GOSR2: variants seen among roughly 807,000 people sequenced by gnomAD.
GOSR2 encodes the protein golgi SNAP receptor complex member 2, also known as 27 kDa Golgi SNARE protein.
In GOSR2, 20 loss-of-function variants were observed where a neutral mutation model predicts 27.9. The ratio of observed to expected loss-of-function variants is 0.72; its 90% CI spans 0.50 to 1.04. The LOEUF (loss-of-function observed/expected upper bound fraction) is 1.04, where lower values mean the gene tolerates loss of function less well. Among genes scored for constraint, GOSR2 ranks in the 50% least tolerant of loss-of-function variants. The pLI is 0.00. For missense variants in GOSR2, 261 were observed against 270.5 expected, an observed-to-expected ratio of 0.97 and a Z score of 0.25; for synonymous variants, 91 against 98.8, an observed-to-expected ratio of 0.92 and a Z score of 0.47.
intron 6 of GOSR2, among the ~76,000 whole-genome samples, chr17:46,949,653 C>T (rs756454081): frequency 2.6e-5 from 4 of 152,192 alleles, no homozygotes; most frequent in Non-Finnish European, 2.9e-5. Context: ...GTGCACAAAC[C>T]GTCACACAGG....
intron 6 of GOSR2, among the ~76,000 whole-genome samples, chr17:46,950,287 A>G (rs2090235929): frequency 6.6e-6 from 1 of 151,736 alleles, no homozygotes; most frequent in Non-Finnish European, 1.5e-5. Context: ...GAGAGTGTGG[A>G]CTCTCTGCCT....
rs1465380117 is a variant in GOSR2 at position 46,936,827 on chromosome 17, G to A, written c.477+1658G>A. The A allele has an allele frequency of 3.7e-5, 36 of 984,986 alleles. No individual in the cohort carries two copies. The Admixed American group carries it at 2.2e-3, about 61-fold the overall frequency. The allele number at this position is 984,986 out of a possible 1,614,324, so 61.0% of individuals were successfully genotyped here. On this transcript the variant is annotated intron_variant, in intron 5 of 5. Coordinates refer to ENST00000640051, the MANE Select transcript of GOSR2 (RefSeq NM_004287.5). ...TTCTCTGATCTCTGATGGCAATGAAGTTTGACTTGTAATTTCTCTGGCTGA... is the reference window on the plus strand; with the variant it reads ...TTCTCTGATCTCTGATGGCAATGAAATTTGACTTGTAATTTCTCTGGCTGA...
chr17:46,931,608 A>G (rs1024096802), intron 3 of GOSR2: 7 of 295,760 alleles, frequency 2.4e-5, no homozygotes, highest in African/African-American at 1.3e-4. Context: ...ATGCTGATCT[A>G]ATGTTTGATA....
At chr17:46,958,968 A>C (rs1406440204) in intron 6 of GOSR2, among the ~76,000 whole-genome samples, 1 of 152,254 alleles carries the variant, frequency 6.6e-6, no homozygotes, top group Non-Finnish European at 1.5e-5. Context: ...TGCTTTTACC[A>C]AAATCACTGC....
In GOSR2 at chr17:46,940,476, C is replaced by G; in HGVS notation, c.*1716C>G. On this transcript the variant is annotated 3_prime_UTR_variant, in exon 6 of 6. Coordinates refer to ENST00000640051, the MANE Select transcript of GOSR2 (RefSeq NM_004287.5). ...ATTACACACAGCACTGCTGCGGTGC[C>G]AGGGACCTAGCGCAGGACTTTTGGT... The G allele has an allele frequency of 6.2e-7, 1 of 1,612,434 alleles. No homozygotes were observed. The highest frequency in any genetic ancestry group is 8.5e-7 in the Non-Finnish European group (1 of 1,179,810).
chr17:46,934,920 C>T lies in GOSR2; in HGVS notation c.337-109C>T, dbSNP rs1307358879. 8.3e-6 allele frequency: 8 copies of T among 965,280 alleles called. No homozygotes were observed. In the South Asian group the frequency reaches 1.0e-4, roughly 13 times the overall value. The allele number at this position is 965,280 out of a possible 1,614,324, so 59.8% of individuals were successfully genotyped here. A position where few individuals can be genotyped will look rare whatever the true frequency, so the allele number is the denominator to read the frequency against. On this transcript the variant is annotated intron_variant, in intron 4 of 5. Transcript: ENST00000640051. ...CCATTAGGGTCCGCTGATTCTTTCA[C>T]CAGCCCCTCCGGCTGTTCTGGCTTG... is the stretch of plus-strand genomic sequence containing the variant.
rs866284809 is a variant in GOSR2, at chr17:46,939,431, C to T, written c.*671C>T. 1 of 992,666 alleles carries T rather than the reference C, an allele frequency of 1.0e-6. No individual in the cohort carries two copies. Among genetic ancestry groups the T allele is most frequent in the African/African-American group, 1.7e-5 (1 of 57,466 alleles). 61.5% of individuals were successfully genotyped at this position (992,666 alleles called of 1,614,324 possible). On this transcript the variant is annotated 3_prime_UTR_variant, in exon 6 of 6. Transcript: ENST00000640051. ...TTCTAAAGTGAGGCCAGTGTTATTT[C>T]CCGGGAGTGTTCAGTCTTGACCCTA...
intron 6 of GOSR2, among the ~76,000 whole-genome samples, chr17:46,960,900 G>A (rs1184796468): frequency 2.6e-5 from 4 of 152,278 alleles, no homozygotes; most frequent in South Asian, 2.1e-4. Flanking sequence ...GGAGTATCTC[G>A]ATTGTGTTCA....
chr17:46,938,549 T>C, intron 5 of GOSR2, 50 bp from the exon 6 acceptor site: 2 of 1,612,116 alleles, frequency 1.2e-6, no homozygotes, highest in Non-Finnish European at 1.7e-6. Flanking sequence ...CACCCACTCT[T>C]GGTAAAGCGA....
At chr17:46,950,637 C>A (rs938749428) in intron 6 of GOSR2, among the ~76,000 whole-genome samples, 2 of 152,252 alleles carry the variant, frequency 1.3e-5, no homozygotes, top group East Asian at 1.9e-4. Flanking sequence ...GAGATGACCC[C>A]GAGCAGCAAG....
At position 46,940,609 on chromosome 17, in the gene GOSR2, G is replaced by C. The variant is rs753229227; in HGVS notation, c.*1849G>C. On this transcript the variant is annotated 3_prime_UTR_variant, in exon 6 of 6. Coordinates refer to ENST00000640051, the MANE Select transcript of GOSR2 (RefSeq NM_004287.5). ...TTTGGAGGAAGGTCTGCAGGGAGCA[G>C]CTGAGCCATTTGTTCTTGAACTCTG... 3 of 1,614,166 alleles carry C rather than the reference G, an allele frequency of 1.9e-6. No individual in the cohort carries two copies. In the South Asian group the frequency reaches 3.3e-5, roughly 18 times the overall value.
downstream of GOSR2, among the ~76,000 whole-genome samples, chr17:46,970,399 G>A (rs2147342156): frequency 6.6e-6 from 1 of 152,154 alleles, no homozygotes; most frequent in South Asian, 2.1e-4. Flanking sequence ...AAATTAGCTG[G>A]GAGTGGTGGT....
intron 5 of GOSR2, chr17:46,936,706 G>T (rs2088435771): frequency 1.0e-6 from 1 of 984,952 alleles, no homozygotes; most frequent in African/African-American, 1.7e-5. Flanking sequence ...GCCTCATACA[G>T]TGATGAAATA....
chr17:46,956,713 A>G (rs948385869), intron 6 of GOSR2, among the ~76,000 whole-genome samples: 1 of 152,164 alleles, frequency 6.6e-6, no homozygotes, highest in Non-Finnish European at 1.5e-5. Context: ...CCATGTGTCT[A>G]CTGTCTCGTG....
At chr17:46,926,375 G>T (rs550073915) in intron 1 of GOSR2, among the ~76,000 whole-genome samples, 2 of 152,214 alleles carry the variant, frequency 1.3e-5, no homozygotes, top group South Asian at 4.2e-4. Flanking sequence ...ATGGGGTGGT[G>T]GGGGGCGGTG....
At chr17:46,952,181 C>T (rs935696535) in intron 6 of GOSR2, among the ~76,000 whole-genome samples, 1 of 152,268 alleles carries the variant, frequency 6.6e-6, no homozygotes, top group East Asian at 1.9e-4. Context: ...AAATCCTTAT[C>T]CCCTTCTGCT....
chr17:46,970,106 A>G (rs539802456), downstream of GOSR2, among the ~76,000 whole-genome samples: 8 of 152,312 alleles, frequency 5.3e-5, no homozygotes, highest in African/African-American at 1.4e-4. Context: ...AAGTAATGAG[A>G]TAATATCTGT....
intron 6 of GOSR2, among the ~76,000 whole-genome samples, chr17:46,972,163 G>C (rs1258200161): frequency 6.6e-6 from 1 of 152,146 alleles, no homozygotes; most frequent in East Asian, 1.9e-4. Context: ...GCTGTGTGCT[G>C]ACAGAACCCT....
rs2088887306 is a variant in GOSR2 at position 46,939,080 on chromosome 17, G to A, written c.*320G>A. 8.2e-7 allele frequency: 1 copy of A among 1,220,012 alleles called. No homozygotes were observed. Among genetic ancestry groups the A allele is most frequent in the African/African-American group, 1.6e-5 (1 of 63,606 alleles). 75.6% of individuals were successfully genotyped at this position (1,220,012 alleles called of 1,614,324 possible). A position where few individuals can be genotyped will look rare whatever the true frequency, so the allele number is the denominator to read the frequency against. On this transcript the variant is annotated 3_prime_UTR_variant, in exon 6 of 6. Coordinates refer to ENST00000640051, the MANE Select transcript of GOSR2 (RefSeq NM_004287.5). Reference sequence around the variant, plus strand: ...TTCACATAGCTGATGCGTGCCCTGGGAAGGTGTCCACAGTGAGCCCTGTGT... The same window carrying A: ...TTCACATAGCTGATGCGTGCCCTGGAAAGGTGTCCACAGTGAGCCCTGTGT...
Sources: gnomAD v4.1 joint callset for allele counts (sites outside exome capture counted in the v4.1 genomes callset) on GRCh38, gnomAD v4.1.1 for gene constraint, MANE v1.5 for transcripts, NCBI Gene and HGNC (gene_info 2026-07-23, HGNC 2026-07-21) for gene names.